Variants in QTMAN observed in about 807,000 individuals in gnomAD.
The protein encoded by QTMAN is queuosine-tRNA mannosyltransferase, also known as tRNA-queuosine alpha-mannosyltransferase.
chr2:144,179,048 T>C, the QTMAN span: 1 of 439,418 alleles, frequency 2.3e-6, no homozygotes, highest in Non-Finnish European at 4.6e-6. Flanking sequence ...ATTTTGAGTA[T>C]GTGAGTTAAA....
chr2:144,246,151 T>TA, the QTMAN span, among the ~76,000 whole-genome samples: 1 of 152,210 alleles, frequency 6.6e-6, no homozygotes. Flanking sequence ...TATGAGTACA[T>TA]ATGCACATGG....
the QTMAN span, chr2:144,006,469 A>C: frequency 2.0e-5 from 3 of 152,172 alleles, no homozygotes; most frequent in African/African-American, 7.2e-5. Context: ...ATCAGGCCAC[A>C]TGCAGATTAA....
chr2:144,275,736 A>G, the QTMAN span, among the ~76,000 whole-genome samples: 1 of 151,656 alleles, frequency 6.6e-6, no homozygotes, highest in African/African-American at 2.4e-5. Flanking sequence ...TCACAAGTCC[A>G]ACAACCTATT....
chr2:144,143,660 G>A, the QTMAN span, among the ~76,000 whole-genome samples: 7 of 151,870 alleles, frequency 4.6e-5, no homozygotes, highest in Non-Finnish European at 7.4e-5. Flanking sequence ...TAAGCAATAA[G>A]GAAGCTAATA....
At chr2:144,079,932 T>C in the QTMAN span, among the ~76,000 whole-genome samples, 1 of 152,104 alleles carries the variant, frequency 6.6e-6, no homozygotes, top group Non-Finnish European at 1.5e-5. Flanking sequence ...AATTCCACTT[T>C]TACTCTGTTG....
chr2:144,135,695 T>A, the QTMAN span, among the ~76,000 whole-genome samples: 2 of 152,308 alleles, frequency 1.3e-5, no homozygotes, highest in African/African-American at 4.8e-5. Flanking sequence ...ATTTGTTCTT[T>A]ACTGGTCAAA....
At chr2:144,162,126 T>C in the QTMAN span, among the ~76,000 whole-genome samples, 6,738 of 152,242 alleles carry the variant, frequency 0.044, 496 homozygotes, top group African/African-American at 0.15. Flanking sequence ...AGTAACTACA[T>C]GCATTAAAAT....
At chr2:144,230,521 T>C in the QTMAN span, among the ~76,000 whole-genome samples, 2 of 152,056 alleles carry the variant, frequency 1.3e-5, no homozygotes, top group African/African-American at 4.8e-5. Flanking sequence ...AGCAGGGCTA[T>C]GTGTGGGTAT....
the QTMAN span, among the ~76,000 whole-genome samples, chr2:144,044,103 G>C: frequency 6.6e-6 from 1 of 152,108 alleles, no homozygotes; most frequent in African/African-American, 2.4e-5. Context: ...AGGTGGGCAG[G>C]TTTAACCATT....
chr2:144,204,890 A>C, the QTMAN span, among the ~76,000 whole-genome samples: 1 of 151,288 alleles, frequency 6.6e-6, no homozygotes, highest in East Asian at 2.0e-4. Context: ...AACTATTGCA[A>C]GGACAAAAAA....
the QTMAN span, among the ~76,000 whole-genome samples, chr2:144,057,862 G>C: frequency 6.6e-6 from 1 of 152,002 alleles, no homozygotes; most frequent in African/African-American, 2.4e-5. Context: ...TCACTTTTCA[G>C]AGTAAGGGTC....
chr2:144,223,551 A>T, the QTMAN span, among the ~76,000 whole-genome samples: 2 of 152,192 alleles, frequency 1.3e-5, no homozygotes, highest in African/African-American at 4.8e-5. Flanking sequence ...TATAGTGAGA[A>T]AAAATGAGCT....
At chr2:144,327,177 A>AT in the QTMAN span, among the ~76,000 whole-genome samples, 2 of 152,348 alleles carry the variant, frequency 1.3e-5, no homozygotes, top group African/African-American at 4.8e-5. Context: ...AACTGAACAC[A>AT]TGGAGGTTCC....
At chr2:144,059,510 GAAGA>G in the QTMAN span, among the ~76,000 whole-genome samples, 1 of 152,178 alleles carries the variant, frequency 6.6e-6, no homozygotes, top group African/African-American at 2.4e-5. Flanking sequence ...TGGGTTTTCA[GAAGA>G]AAGAATGCAC....
At chr2:144,016,730 T>C in the QTMAN span, among the ~76,000 whole-genome samples, 1 of 152,224 alleles carries the variant, frequency 6.6e-6, no homozygotes, top group Admixed American at 6.5e-5. Context: ...AATATAAGAA[T>C]TCCCCTAGGA....
chr2:144,227,388 C>T, the QTMAN span, among the ~76,000 whole-genome samples: 1 of 151,988 alleles, frequency 6.6e-6, no homozygotes, highest in Non-Finnish European at 1.5e-5. Flanking sequence ...TTTTTCAAAA[C>T]AACTTGGACA....
the QTMAN span, among the ~76,000 whole-genome samples, chr2:144,167,348 T>C: frequency 1.3e-5 from 2 of 152,154 alleles, no homozygotes; most frequent in Admixed American, 6.6e-5. Context: ...ACCCGAATAC[T>C]AGTCCTCTAT....
the QTMAN span, among the ~76,000 whole-genome samples, chr2:144,179,627 A>C: frequency 6.6e-6 from 1 of 152,176 alleles, no homozygotes; most frequent in Non-Finnish European, 1.5e-5. Context: ...GGACTATGAT[A>C]CCGGGCTCAC....
At chr2:144,057,408 C>T in the QTMAN span, among the ~76,000 whole-genome samples, 1 of 152,150 alleles carries the variant, frequency 6.6e-6, no homozygotes, top group Non-Finnish European at 1.5e-5. Context: ...AGGTAAAGTG[C>T]TAAAGGTGAA....
Sources: allele counts gnomAD v4.1 joint callset (sites outside exome capture counted in the v4.1 genomes callset), GRCh38; gene constraint gnomAD v4.1.1; transcripts MANE v1.5; gene names NCBI Gene and HGNC (gene_info 2026-07-23, HGNC 2026-07-21).